Variants in BBIP1 observed in about 807,000 individuals in gnomAD.
BBIP1 encodes BBSome-interacting protein 1.
A neutral mutation model predicts 8.9 loss-of-function variants in BBIP1; 6 were observed. That is an observed-to-expected ratio of 0.67 (90% CI 0.37 to 1.33). BBIP1 has a LOEUF of 1.33. BBIP1 is among the 40% of genes most tolerant of loss of function. The pLI is 0.02. For missense variants in BBIP1, 111 were observed against 109.2 expected (o/e 1.02, Z -0.07); for synonymous variants, 32 against 33.4 (o/e 0.96, Z 0.14).
chr10:110,912,911 T>C (rs1430445307), intron 2 of BBIP1, among the ~76,000 whole-genome samples: 2 of 152,208 alleles, frequency 1.3e-5, no homozygotes, highest in African/African-American at 4.8e-5. Flanking sequence ...AGACCCCAGT[T>C]TTAAAGTTAG....
chr10:110,913,139 T>A (rs1307072095), intron 2 of BBIP1, among the ~76,000 whole-genome samples: 1 of 152,214 alleles, frequency 6.6e-6, no homozygotes, highest in African/African-American at 2.4e-5. Context: ...TTAAATGGGG[T>A]ACATGGTTGT....
chr10:110,900,871 C>A, intron 3 of BBIP1: 1 of 230,120 alleles, frequency 4.3e-6, no homozygotes, highest in Non-Finnish European at 8.6e-6. Context: ...TGATATTTAA[C>A]GTAAATATTC....
intron 2 of BBIP1, chr10:110,907,995 C>A (rs1411663539): frequency 7.7e-6 from 4 of 518,484 alleles, no homozygotes; most frequent in Non-Finnish European, 1.0e-5. Flanking sequence ...AATCATGGGA[C>A]CAGTATTGCC....
At chr10:110,916,278 T>C (rs1228450870) in intron 2 of BBIP1, among the ~76,000 whole-genome samples, 2 of 152,230 alleles carry the variant, frequency 1.3e-5, no homozygotes, top group Non-Finnish European at 2.9e-5. Flanking sequence ...AGCATTTTCT[T>C]CTGCTCCCTT....
In BBIP1 at chr10:110,899,047, A is replaced by G. The variant is rs373508013; in HGVS notation, c.*1313T>C. 4 of 152,318 alleles carry G rather than the reference A, an allele frequency of 2.6e-5. No homozygotes were observed. Among genetic ancestry groups the G allele is most frequent in the African/African-American group, 4.8e-5 (2 of 41,570 alleles). The allele number at this position is 152,318 out of a possible 1,614,324, so 9.4% of individuals were successfully genotyped here. Reference sequence around the variant, plus strand: ...TAAATTCTGTTACCAAATAATGGCTAATGTTACAAAAAGTTATACTCCAGA... The same window carrying G: ...TAAATTCTGTTACCAAATAATGGCTGATGTTACAAAAAGTTATACTCCAGA... On this transcript the variant is annotated 3_prime_UTR_variant, in exon 4 of 4. Coordinates refer to ENST00000448814, the MANE Select transcript of BBIP1 (RefSeq NM_001195305.3).
chr10:110,901,830 A>G, intron 2 of BBIP1: 1 of 517,944 alleles, frequency 1.9e-6, no homozygotes, highest in South Asian at 2.3e-5. Context: ...TGTTAACTAC[A>G]AGGCTAGGTG....
chr10:110,912,848 T>C (rs1846311465), intron 2 of BBIP1, among the ~76,000 whole-genome samples: 1 of 152,154 alleles, frequency 6.6e-6, no homozygotes, highest in Non-Finnish European at 1.5e-5. Context: ...TCAATGTAAT[T>C]CCTTTTTCCC....
chr10:110,918,188 T>G lies in BBIP1; in HGVS notation c.-31A>C. On this transcript the variant is annotated 5_prime_UTR_variant, in exon 2 of 4. Coordinates refer to ENST00000448814, the MANE Select transcript of BBIP1 (RefSeq NM_001195305.3). ...CCGGTATTACCAAGATGACTTAGAG[T>G]TCTTGACTCAAGCATACAGAAGAAA... 1 of 1,527,564 alleles carries G rather than the reference T, an allele frequency of 6.5e-7. No homozygotes were observed. Among genetic ancestry groups the G allele is most frequent in the East Asian group, 2.4e-5 (1 of 40,866 alleles). The allele number at this position is 1,527,564 out of a possible 1,614,324, so 94.6% of individuals were successfully genotyped here.
At chr10:110,907,877 A>G (rs1226558515) in intron 2 of BBIP1, 2 of 661,346 alleles carry the variant, frequency 3.0e-6, no homozygotes, top group African/African-American at 3.6e-5. Flanking sequence ...TAATAGCAGG[A>G]CTGTTTAGAA....
intron 2 of BBIP1, among the ~76,000 whole-genome samples, chr10:110,916,624 GC>G (rs1402319206): frequency 6.6e-6 from 1 of 152,134 alleles, no homozygotes; most frequent in African/African-American, 2.4e-5. Context: ...CTTGGTATTT[GC>G]TTTGATAACA....
chr10:110,910,835 A>C (rs544762022), intron 2 of BBIP1: 1 of 152,402 alleles, frequency 6.6e-6, no homozygotes, highest in Non-Finnish European at 1.5e-5. Context: ...TCCAAGAGGA[A>C]GGTAAAAAGG....
intron 1 of BBIP1, 102 bp from the exon 2 acceptor site, chr10:110,918,315 G>T: frequency 1.6e-6 from 1 of 626,164 alleles, no homozygotes; most frequent in Non-Finnish European, 2.8e-6. Flanking sequence ...AGACCTGCAG[G>T]AATCCCACCA....
chr10:110,917,847 C>T, intron 2 of BBIP1: 2 of 502,368 alleles, frequency 4.0e-6, no homozygotes, highest in African/African-American at 3.9e-5. Context: ...ATATAACATA[C>T]TGATTGTCAT....
intron 2 of BBIP1, chr10:110,911,593 CT>C (rs1846277735): frequency 6.6e-6 from 1 of 151,740 alleles, no homozygotes; most frequent in Non-Finnish European, 1.5e-5. Flanking sequence ...CCCACTGCAT[CT>C]CCCAGTTGCA....
chr10:110,905,288 G>A (rs1374983700), intron 2 of BBIP1, among the ~76,000 whole-genome samples: 2 of 152,112 alleles, frequency 1.3e-5, no homozygotes, highest in East Asian at 3.9e-4. Context: ...TGGGGGCTGG[G>A]CGCGGTGGCT....
intron 2 of BBIP1, among the ~76,000 whole-genome samples, chr10:110,905,227 T>C (rs1034547665): frequency 2.0e-5 from 3 of 152,146 alleles, no homozygotes; most frequent in Non-Finnish European, 2.9e-5. Context: ...TAGGATGGAT[T>C]ATTGCCTTCA....
intron 2 of BBIP1, chr10:110,904,532 A>G (rs1846083866): frequency 6.6e-6 from 1 of 152,230 alleles, no homozygotes; most frequent in South Asian, 2.1e-4. Flanking sequence ...TAAACTGCAA[A>G]AAAGTTAAAA....
chr10:110,911,235 T>C (rs932192054), intron 2 of BBIP1: 1 of 152,178 alleles, frequency 6.6e-6, no homozygotes. Flanking sequence ...GTATTAGTTA[T>C]AGAGGCTTAT....
intron 2 of BBIP1, chr10:110,907,520 A>G (rs1846173393): frequency 2.0e-6 from 1 of 492,134 alleles, no homozygotes; most frequent in South Asian, 3.2e-5. Flanking sequence ...CTCAAGAAAA[A>G]AAAAAAAAAA....
Sources: gnomAD v4.1 joint callset for allele counts (sites outside exome capture counted in the v4.1 genomes callset) on GRCh38, gnomAD v4.1.1 for gene constraint, MANE v1.5 for transcripts, NCBI Gene and HGNC (gene_info 2026-07-23, HGNC 2026-07-21) for gene names.